CLSTN2: variants seen among roughly 807,000 people sequenced by gnomAD.
The protein encoded by CLSTN2 is calsyntenin 2.
A neutral mutation model predicts 101.2 loss-of-function variants in CLSTN2; 48 were observed. The ratio of observed to expected loss-of-function variants is 0.47; its 90% CI spans 0.38 to 0.60. CLSTN2 has a LOEUF of 0.60. CLSTN2 is among the 20% of genes least tolerant of loss of function. The probability of loss-of-function intolerance (pLI) is 0.00; values close to 1 mark genes in which losing one functional copy is unlikely to be tolerated. For missense variants in CLSTN2, 1,160 were observed against 1,238.2 expected, an observed-to-expected ratio of 0.94 and a Z score of 0.95; for synonymous variants, 481 against 463.6, an observed-to-expected ratio of 1.04 and a Z score of -0.48.
At chr3:140,149,237 T>C (rs2009825649) in intron 1 of CLSTN2, among the ~76,000 whole-genome samples, 1 of 152,106 alleles carries the variant, frequency 6.6e-6, no homozygotes, top group African/African-American at 2.4e-5. Flanking sequence ...AAGTATCTAC[T>C]CCTACAGGGG....
intron 1 of CLSTN2, among the ~76,000 whole-genome samples, chr3:139,964,332 A>C (rs991047071): frequency 6.6e-6 from 1 of 152,168 alleles, no homozygotes; most frequent in Admixed American, 6.5e-5. Context: ...GAATGTAGGA[A>C]TGATCACAAT....
chr3:140,176,469 AAGAGAAAAGAG>A (rs1317689582), intron 2 of CLSTN2, among the ~76,000 whole-genome samples: 2 of 152,182 alleles, frequency 1.3e-5, no homozygotes, highest in African/African-American at 4.8e-5. Flanking sequence ...GTACATTGGC[AAGAGAAAAGAG>A]AGAGAAAAAA....
chr3:140,406,861 T>C (rs2088308944), intron 4 of CLSTN2, among the ~76,000 whole-genome samples: 1 of 152,264 alleles, frequency 6.6e-6, no homozygotes, highest in Admixed American at 6.5e-5. Context: ...CTCAGTGAGA[T>C]GAGATGCAAA....
At chr3:139,967,010 G>A (rs1331126489) in intron 1 of CLSTN2, among the ~76,000 whole-genome samples, 2 of 152,142 alleles carry the variant, frequency 1.3e-5, no homozygotes, top group Non-Finnish European at 2.9e-5. Flanking sequence ...ATACACGTGA[G>A]TAAATGTGTT....
chr3:140,412,198 G>A (rs111643164), intron 4 of CLSTN2, among the ~76,000 whole-genome samples: 14 of 152,248 alleles, frequency 9.2e-5, no homozygotes, highest in African/African-American at 3.4e-4. Context: ...TATTTTTAGT[G>A]GAGATGGGGT....
At chr3:140,381,650 C>T (rs1299283352) in intron 2 of CLSTN2, among the ~76,000 whole-genome samples, 2 of 152,224 alleles carry the variant, frequency 1.3e-5, no homozygotes, top group Non-Finnish European at 2.9e-5. Flanking sequence ...CTTTAACCAA[C>T]TAGGGCTGAC....
chr3:140,085,317 G>C (rs1215023005), intron 1 of CLSTN2, among the ~76,000 whole-genome samples: 1 of 152,232 alleles, frequency 6.6e-6, no homozygotes, highest in East Asian at 1.9e-4. Flanking sequence ...AGCAATGAGA[G>C]AGCCTCATTT....
intron 2 of CLSTN2, among the ~76,000 whole-genome samples, chr3:140,187,627 C>T (rs2010502302): frequency 6.6e-6 from 1 of 152,178 alleles, no homozygotes; most frequent in African/African-American, 2.4e-5. Flanking sequence ...AACTTCCACT[C>T]AAGTATCTGC....
At chr3:140,162,641 T>G (rs903603305) in intron 1 of CLSTN2, among the ~76,000 whole-genome samples, 1 of 152,164 alleles carries the variant, frequency 6.6e-6, no homozygotes, top group Non-Finnish European at 1.5e-5. Context: ...GGCGGGGGCC[T>G]TTTTGCTTGT....
At chr3:140,046,709 G>T (rs1196247457) in intron 1 of CLSTN2, among the ~76,000 whole-genome samples, 1 of 152,102 alleles carries the variant, frequency 6.6e-6, no homozygotes, top group African/African-American at 2.4e-5. Context: ...GGCAGGCCTG[G>T]TAGTGACAAA....
Position 140,059,108 on chromosome 3 carries a change from C to T in CLSTN2, c.110-116843C>T, listed in dbSNP as rs116739355. 3.7e-3 allele frequency among the ~76,000 whole-genome samples: 565 copies of T among 152,362 alleles called. 3 individuals are homozygous for T. The highest frequency in any genetic ancestry group is 0.013 in the African/African-American group (549 of 41,576). Reference sequence around the variant, plus strand: ...CTGGGTTCAAGCCCCAGTTCCACTGCGTCCTGCATGTGCAATCTGGGGAAA... The same window carrying T: ...CTGGGTTCAAGCCCCAGTTCCACTGTGTCCTGCATGTGCAATCTGGGGAAA... On this transcript the variant is annotated intron_variant, in intron 1 of 16. Coordinates refer to ENST00000458420, the MANE Select transcript of CLSTN2 (RefSeq NM_022131.3).
Position 140,116,367 on chromosome 3 carries a change from G to A in CLSTN2, c.110-59584G>A, listed in dbSNP as rs138318047. ...TATTATTAAATTCTAGCTAGACACC[G>A]TTGCCTGCAGGAGGCTCTGAGCAGG... On this transcript the variant is annotated intron_variant, in intron 1 of 16. Coordinates refer to ENST00000458420, the MANE Select transcript of CLSTN2 (RefSeq NM_022131.3). 1.4e-3 allele frequency among the ~76,000 whole-genome samples: 207 copies of A among 152,252 alleles called. 1 individual carries two copies. Among genetic ancestry groups the A allele is most frequent in the African/African-American group, 4.6e-3 (190 of 41,548 alleles).
At chr3:139,977,637 G>T (rs551316425) in intron 1 of CLSTN2, among the ~76,000 whole-genome samples, 2 of 150,878 alleles carry the variant, frequency 1.3e-5, no homozygotes, top group African/African-American at 4.9e-5. Flanking sequence ...TTTCTGGGAC[G>T]CTCCTTTGTT....
intron 2 of CLSTN2, among the ~76,000 whole-genome samples, chr3:140,176,736 A>T (rs1179266589): frequency 1.3e-5 from 2 of 152,210 alleles, no homozygotes; most frequent in African/African-American, 2.4e-5. Flanking sequence ...AAGAGAAGGG[A>T]CTGGTCATGG....
chr3:140,376,300 A>G (rs1441985843), intron 2 of CLSTN2, among the ~76,000 whole-genome samples: 1 of 152,214 alleles, frequency 6.6e-6, no homozygotes, highest in Non-Finnish European at 1.5e-5. Flanking sequence ...TCCATCAGCT[A>G]TAGATGACAG....
At chr3:139,968,927 A>G (rs1295795643) in intron 1 of CLSTN2, among the ~76,000 whole-genome samples, 2 of 152,242 alleles carry the variant, frequency 1.3e-5, no homozygotes, top group African/African-American at 2.4e-5. Context: ...GCTATAAAAG[A>G]CATCATTATT....
At chr3:140,159,850 T>C (rs1009877225) in intron 1 of CLSTN2, among the ~76,000 whole-genome samples, 2 of 152,162 alleles carry the variant, frequency 1.3e-5, no homozygotes, top group African/African-American at 4.8e-5. Flanking sequence ...AACAATATTA[T>C]ATCCTTTGCA....
chr3:140,076,511 A>AT (rs1553796133), intron 1 of CLSTN2, among the ~76,000 whole-genome samples: 1 of 150,792 alleles, frequency 6.6e-6, no homozygotes, highest in Non-Finnish European at 1.5e-5. Flanking sequence ...TGGGATGTGA[A>AT]TTTCATGTCA....
intron 9 of CLSTN2, among the ~76,000 whole-genome samples, chr3:140,544,000 C>G (rs1219177070): frequency 6.6e-6 from 1 of 152,176 alleles, no homozygotes; most frequent in African/African-American, 2.4e-5. Context: ...GTCAATAACC[C>G]TAAACTTTAG....
Sources: gnomAD v4.1 joint callset for allele counts (sites outside exome capture counted in the v4.1 genomes callset) on GRCh38, gnomAD v4.1.1 for gene constraint, MANE v1.5 for transcripts, NCBI Gene and HGNC (gene_info 2026-07-23, HGNC 2026-07-21) for gene names.